The following B3GALT1 variants were observed in gnomAD, a reference collection of about 807,000 sequenced individuals.
The protein encoded by B3GALT1 is UDP-Gal:betaGlcNAc beta 1,3-galactosyltransferase, polypeptide 1.
Under a neutral mutation model 23.2 loss-of-function variants are expected in B3GALT1, and 10 were observed. The ratio of observed to expected loss-of-function variants is 0.43; its 90% confidence interval spans 0.27 to 0.73. B3GALT1 has a LOEUF of 0.73. Among genes scored for constraint, B3GALT1 ranks in the 30% least tolerant of loss-of-function variants. B3GALT1 has a pLI of 0.21. For synonymous variants in B3GALT1, 156 were observed against 141.5 expected (o/e 1.10, Z -0.73); for missense variants, 299 against 405.4 (o/e 0.74, Z 2.25).
intron 3 of B3GALT1, chr2:167,714,058 A>G (rs1687104956): frequency 6.5e-7 from 1 of 1,536,616 alleles, no homozygotes; most frequent in Non-Finnish European, 9.0e-7. Flanking sequence ...TTAAATGACC[A>G]GGATCATCTT....
At chr2:167,669,843 A>T (rs1299043926) in intron 3 of B3GALT1, among the ~76,000 whole-genome samples, 2 of 152,144 alleles carry the variant, frequency 1.3e-5, no homozygotes, top group Non-Finnish European at 2.9e-5. Flanking sequence ...ACTGCCCAAG[A>T]AGCCCGCCAA....
intron 2 of B3GALT1, among the ~76,000 whole-genome samples, chr2:167,625,977 A>C (rs1309924677): frequency 7.1e-6 from 1 of 140,418 alleles, no homozygotes; most frequent in Non-Finnish European, 1.6e-5. Flanking sequence ...ATATATATAT[A>C]TATATATATG....
At chr2:167,559,792 A>G (rs893733742) in intron 2 of B3GALT1, among the ~76,000 whole-genome samples, 2 of 152,210 alleles carry the variant, frequency 1.3e-5, no homozygotes, top group Non-Finnish European at 2.9e-5. Context: ...CCTCCAAGAA[A>G]TATGGGACTA....
At position 167,371,835 on chromosome 2, in the gene B3GALT1, T is replaced by C. The variant is rs185576377; in HGVS notation, c.-511+78501T>C. On this transcript the variant is annotated intron_variant, in intron 1 of 4. Transcript: ENST00000392690. Reference sequence around the variant, plus strand: ...ATGATATTTTTTGCTATAGCAATTATAAAATTTTAATCAGAGGTAAAATTT... The same window carrying C: ...ATGATATTTTTTGCTATAGCAATTACAAAATTTTAATCAGAGGTAAAATTT... Among the ~76,000 whole-genome samples the C allele has an allele frequency of 5.0e-3, 760 of 152,016 alleles. 5 individuals carry two copies. Among genetic ancestry groups the C allele is most frequent in the African/African-American group, 0.017 (702 of 41,558 alleles).
At chr2:167,542,309 G>A (rs191365185) in intron 2 of B3GALT1, among the ~76,000 whole-genome samples, 145 of 152,112 alleles carry the variant, frequency 9.5e-4, no homozygotes, top group African/African-American at 3.3e-3. Flanking sequence ...TTTAAAATAA[G>A]GCTTAAGTGA....
rs1687001711 is a variant in B3GALT1, at chr2:167,708,498, T to A, written c.-352+61532T>A. Among the ~76,000 whole-genome samples the A allele has an allele frequency of 2.0e-5, 3 of 152,052 alleles. 1 individual carries two copies. Among genetic ancestry groups the A allele is most frequent in the Admixed American group, 2.0e-4 (3 of 15,270 alleles). On this transcript the variant is annotated intron_variant, in intron 3 of 4. Transcript: ENST00000392690. ...CAACATGGAGAAACCCCGTCTCTACTAAAAATACAAAAAATTAGCCGGCAC... is the reference window on the plus strand; with the variant it reads ...CAACATGGAGAAACCCCGTCTCTACAAAAAATACAAAAAATTAGCCGGCAC...
chr2:167,544,251 T>C (rs923633783), intron 2 of B3GALT1, among the ~76,000 whole-genome samples: 2 of 152,172 alleles, frequency 1.3e-5, no homozygotes, highest in African/African-American at 4.8e-5. Context: ...TATAGGTACA[T>C]TGCTGCCCTT....
chr2:167,446,682 G>A (rs569454269), intron 1 of B3GALT1, among the ~76,000 whole-genome samples: 1 of 152,236 alleles, frequency 6.6e-6, no homozygotes, highest in South Asian at 2.1e-4. Context: ...CATGCATCAC[G>A]TAGTTCTCGT....
chr2:167,712,967 A>G (rs1028976314), intron 3 of B3GALT1, among the ~76,000 whole-genome samples: 7 of 152,210 alleles, frequency 4.6e-5, no homozygotes, highest in African/African-American at 1.7e-4. Context: ...GAAATCAGTG[A>G]CCATTTTGGA....
chr2:167,412,244 A>G (rs570008870), intron 1 of B3GALT1, among the ~76,000 whole-genome samples: 130 of 152,344 alleles, frequency 8.5e-4, no homozygotes, highest in Middle Eastern at 6.8e-3. Context: ...GAAAAGTAAT[A>G]AAGAAGTAAA....
intron 2 of B3GALT1, among the ~76,000 whole-genome samples, chr2:167,509,250 CAT>C (rs778972078): frequency 6.2e-4 from 94 of 152,250 alleles, no homozygotes; most frequent in Middle Eastern, 6.8e-3. Context: ...GGCTAATAGA[CAT>C]ATAACAAAAT....
At chr2:167,522,262 T>A (rs1001735743) in intron 2 of B3GALT1, among the ~76,000 whole-genome samples, 1 of 151,944 alleles carries the variant, frequency 6.6e-6, no homozygotes, top group Non-Finnish European at 1.5e-5. Context: ...TCTGTTAGGA[T>A]TTTTTGAGAA....
At chr2:167,853,003 A>G (rs1184222915) in intron 4 of B3GALT1, among the ~76,000 whole-genome samples, 2 of 152,180 alleles carry the variant, frequency 1.3e-5, no homozygotes, top group Non-Finnish European at 2.9e-5. Context: ...AAGTTTATCA[A>G]AGAGTCACAG....
chr2:167,370,388 TC>T (rs1697663638), intron 1 of B3GALT1, among the ~76,000 whole-genome samples: 1 of 147,180 alleles, frequency 6.8e-6, no homozygotes, highest in African/African-American at 2.5e-5. Context: ...TTTGATGATT[TC>T]ATTCAACAAA....
Position 167,594,681 on chromosome 2 carries a change from G to A in B3GALT1, c.-409-52228G>A, listed in dbSNP as rs549229187. On this transcript the variant is annotated intron_variant, in intron 2 of 4. Coordinates refer to ENST00000392690, the MANE Select transcript of B3GALT1 (RefSeq NM_020981.4). ...TAATCCCAGCACTTTGGGAGGACGA[G>A]GCGGGCAGATCACCTGAGGTCATGA... is the stretch of plus-strand genomic sequence containing the variant. Among the ~76,000 whole-genome samples, 36 of 152,312 alleles carry A rather than the reference G, an allele frequency of 2.4e-4. No homozygotes were observed. The South Asian group carries it at 4.8e-3, about 20-fold the overall frequency.
At chr2:167,663,848 A>G (rs1331539532) in intron 3 of B3GALT1, among the ~76,000 whole-genome samples, 1 of 151,974 alleles carries the variant, frequency 6.6e-6, no homozygotes, top group African/African-American at 2.4e-5. Context: ...TTCATTGTAG[A>G]TTCTGGATGT....
intron 2 of B3GALT1, among the ~76,000 whole-genome samples, chr2:167,640,621 G>A (rs945125491): frequency 6.6e-6 from 1 of 151,986 alleles, no homozygotes; most frequent in African/African-American, 2.4e-5. Context: ...TCTGCCATCG[G>A]ACCAGGTATA....
chr2:167,312,624 A>C (rs1484281786), intron 1 of B3GALT1, among the ~76,000 whole-genome samples: 8 of 152,088 alleles, frequency 5.3e-5, no homozygotes, highest in African/African-American at 1.9e-4. Flanking sequence ...TAAAATACAG[A>C]TTGATTACAT....
At chr2:167,671,450 C>A (rs902901586) in intron 3 of B3GALT1, among the ~76,000 whole-genome samples, 1 of 152,018 alleles carries the variant, frequency 6.6e-6, no homozygotes. Flanking sequence ...AGATTGAAAT[C>A]ATATCAAATA....
Sources: gnomAD v4.1 joint callset for allele counts (sites outside exome capture counted in the v4.1 genomes callset) on GRCh38, gnomAD v4.1.1 for gene constraint, MANE v1.5 for transcripts, NCBI Gene and HGNC (gene_info 2026-07-23, HGNC 2026-07-21) for gene names.